SFXN3: variants seen among roughly 807,000 people sequenced by gnomAD.
SFXN3 encodes sideroflexin 3.
A neutral mutation model predicts 40.4 loss-of-function variants in SFXN3; 31 were observed. The observed-to-expected ratio is 0.77, with a 90% CI of 0.58 to 1.04. The LOEUF is 1.04. Ranked by LOEUF, SFXN3 falls within the 50% of genes least tolerant of loss-of-function variation. The pLI is 0.00. For missense variants in SFXN3, 366 were observed against 408.2 expected, an observed-to-expected ratio of 0.90 and a Z score of 0.89; for synonymous variants, 157 against 160.0, an observed-to-expected ratio of 0.98 and a Z score of 0.14.
Position 101,039,159 on chromosome 10 carries a change from C to T in SFXN3, c.822-16C>T. 1 of 1,607,436 alleles carries T rather than the reference C, an allele frequency of 6.2e-7. No individual in the cohort carries two copies. Among genetic ancestry groups the T allele is most frequent in the Non-Finnish European group, 8.5e-7 (1 of 1,174,174 alleles). On this transcript the variant is annotated splice_polypyrimidine_tract_variant and intron_variant, in intron 10 of 11. Transcript: ENST00000393459. This position sits in a 1 kb window ranked among gnomAD's most constrained non-coding sequence, Gnocchi z 4.6. ...GCCAAAGCTTTACAAACCTTTCCAA[C>T]ACTTGTCTCCCCCAGCCTGGTATTT...
At chr10:101,034,961 C>T in intron 3 of SFXN3, 106 bp downstream of exon 3, 1 of 1,392,660 alleles carries the variant, frequency 7.2e-7, no homozygotes, top group South Asian at 1.3e-5. Context: ...CCCTGTCCCT[C>T]AATCCCCTCA....
At chr10:101,035,960 G>A in intron 4 of SFXN3, 43 bp from the exon 5 acceptor site, 1 of 1,528,776 alleles carries the variant, frequency 6.5e-7, no homozygotes, top group Non-Finnish European at 9.1e-7. Flanking sequence ...AAAGATGAGG[G>A]CCACTGTAGA....
At position 101,036,374 on chromosome 10, in the gene SFXN3, A is replaced by C; in HGVS notation, c.432-112A>C. On this transcript the variant is annotated intron_variant, in intron 5 of 11. Coordinates refer to ENST00000393459, the Ensembl canonical transcript of SFXN3. The surrounding 1 kb of genome is among the most constrained non-coding windows in gnomAD (Gnocchi z 4.2). Reference sequence around the variant, plus strand: ...AGATGGAGGGAAGGCTTCTTCTGCAAGGAGCTTCCCCTTTTATGCCTCATG... The same window carrying C: ...AGATGGAGGGAAGGCTTCTTCTGCACGGAGCTTCCCCTTTTATGCCTCATG... 1 of 1,038,558 alleles carries C rather than the reference A, an allele frequency of 9.6e-7. No individual in the cohort carries two copies. Among genetic ancestry groups the C allele is most frequent in the African/African-American group, 1.6e-5 (1 of 62,822 alleles). The allele number at this position is 1,038,558 out of a possible 1,614,324, so 64.3% of individuals were successfully genotyped here.
intron 2 of SFXN3, 78 bp downstream of exon 2, chr10:101,032,560 C>A: frequency 2.1e-6 from 3 of 1,430,530 alleles, no homozygotes; most frequent in Non-Finnish European, 2.8e-6. Context: ...AACTGTCTGT[C>A]CTGGTGCAGT....
At position 101,036,854 on chromosome 10, in the gene SFXN3, CACTGTCCA is replaced by C. The variant is rs1662100407; in HGVS notation, c.593+47_593+54del. 6.3e-7 allele frequency: 1 copy of C among 1,599,934 alleles called. No individual in the cohort carries two copies. The highest frequency in any genetic ancestry group is 1.3e-5 in the African/African-American group (1 of 74,612). ...GCATGTGCATGCCCAGAATGTAGCA[CACTGTCCA>C]TCCACGCAGACCACCTCAGAATGGG... On this transcript the variant is annotated intron_variant, in intron 7 of 11. Transcript: ENST00000393459. This position sits in a 1 kb window ranked among gnomAD's most constrained non-coding sequence, Gnocchi z 4.2.
In SFXN3 at chr10:101,036,629, C is replaced by G. The variant is rs1459700709; in HGVS notation, c.507+68C>G. 14 of 1,612,538 alleles carry G rather than the reference C, an allele frequency of 8.7e-6. No individual in the cohort carries two copies. The highest frequency in any genetic ancestry group is 1.2e-5 in the Non-Finnish European group (14 of 1,179,090). ...TCTGCCTCCTTCTTCCTCATCACAC[C>G]TCCAGTTCTGACCTATATGCCCCCT... On this transcript the variant is annotated intron_variant, in intron 6 of 11. Coordinates refer to ENST00000393459, the Ensembl canonical transcript of SFXN3. This position sits in a 1 kb window ranked among gnomAD's most constrained non-coding sequence, Gnocchi z 4.2.
chr10:101,038,504 T>C (rs1394196997), intron 9 of SFXN3, 139 bp from the exon 10 acceptor site: 6 of 1,533,720 alleles, frequency 3.9e-6, no homozygotes, highest in South Asian at 1.2e-5. Flanking sequence ...AGCCCTGTCA[T>C]TGCCTTGGGA....
rs1447695840 is a variant in SFXN3 at position 101,036,239 on chromosome 10, C to A, written c.431+138C>A. 3 of 786,894 alleles carry A rather than the reference C, an allele frequency of 3.8e-6. No homozygotes were observed. The Middle Eastern group carries it at 1.1e-3, about 277-fold the overall frequency. 48.7% of individuals were successfully genotyped at this position (786,894 alleles called of 1,614,324 possible). ...AGCGCCCTCTCCTCAGCCTGCCCCACCCCGAATTACCCTGCCTAACTGAAG... is the reference window on the plus strand; with the variant it reads ...AGCGCCCTCTCCTCAGCCTGCCCCAACCCGAATTACCCTGCCTAACTGAAG... On this transcript the variant is annotated intron_variant, in intron 5 of 11. Coordinates refer to ENST00000393459, the Ensembl canonical transcript of SFXN3. This position sits in a 1 kb window ranked among gnomAD's most constrained non-coding sequence, Gnocchi z 4.2.
Position 101,036,446 on chromosome 10 carries a change from C to T in SFXN3, c.432-40C>T, listed in dbSNP as rs1305072004. On this transcript the variant is annotated intron_variant, in intron 5 of 11. Coordinates refer to ENST00000393459, the Ensembl canonical transcript of SFXN3. The surrounding 1 kb of genome is among the most constrained non-coding windows in gnomAD (Gnocchi z 4.2). ...CTAAAGGAAAGGGCCACCTGCTGGA[C>T]TTGTCACCTCTCCCCGTGACCTGGC... 1 of 1,605,316 alleles carries T rather than the reference C, an allele frequency of 6.2e-7. No homozygotes were observed. The highest frequency in any genetic ancestry group is 2.2e-5 in the East Asian group (1 of 44,818).
intron 2 of SFXN3, among the ~76,000 whole-genome samples, chr10:101,034,162 A>G (rs983448220): frequency 2.6e-5 from 4 of 152,094 alleles, no homozygotes; most frequent in Admixed American, 1.3e-4. Flanking sequence ...CCACGAGGCC[A>G]TATTTCAGAC....
intron 3 of SFXN3, 100 bp downstream of exon 3, chr10:101,034,955 G>C: frequency 2.1e-6 from 3 of 1,440,946 alleles, no homozygotes; most frequent in South Asian, 1.3e-5. Context: ...CAGTGACCCT[G>C]TCCCTCAATC....
intron 2 of SFXN3, among the ~76,000 whole-genome samples, chr10:101,032,777 T>A (rs1449722651): frequency 6.6e-6 from 1 of 152,148 alleles, no homozygotes; most frequent in African/African-American, 2.4e-5. Context: ...TGATAGTGTC[T>A]TTGTGTGTGG....
At chr10:101,032,551 A>G in intron 2 of SFXN3, 69 bp downstream of exon 2, 3 of 1,468,432 alleles carry the variant, frequency 2.0e-6, no homozygotes, top group Non-Finnish European at 2.7e-6. Context: ...CTGCCTTGAA[A>G]CTGTCTGTCC....
At chr10:101,037,413 G>T in exon 9 of SFXN3, 1 of 1,614,184 alleles carries the variant, frequency 6.2e-7, no homozygotes, top group Non-Finnish European at 8.5e-7. Context: ...ACACTCTGGA[G>T]AAGAAAGACT....
At chr10:101,037,745 C>T (rs1938692169) in intron 9 of SFXN3, 1 of 1,311,232 alleles carries the variant, frequency 7.6e-7, no homozygotes, top group Admixed American at 3.3e-5. Context: ...CCCCCTAGTG[C>T]CTCCATACTG....
chr10:101,035,948 CTAAAG>C, intron 4 of SFXN3, 50 bp from the exon 5 acceptor site: 2 of 1,501,724 alleles, frequency 1.3e-6, no homozygotes, highest in African/African-American at 2.8e-5. Flanking sequence ...TTACAGGGGT[CTAAAG>C]ATGAGGGCCA....
chr10:101,036,021 G>A lies in SFXN3; in HGVS notation c.351G>A (p.Val117=), dbSNP rs1307658025. 1.2e-6 allele frequency: 2 copies of A among 1,614,114 alleles called. No homozygotes were observed. The highest frequency in any genetic ancestry group is 1.1e-5 in the South Asian group (1 of 91,086). Residue 117 remains valine, a synonymous_variant, in exon 5 of 12, where the codon GTG becomes GTA. Transcript: ENST00000393459. The surrounding 1 kb of genome is among the most constrained non-coding windows in gnomAD (Gnocchi z 4.2). ...CCCTCAGGAAGACCCCAACCGTGGT[G>A]TTCTGGCAGTGGGTGAATCAGTCCT...
In SFXN3 at chr10:101,036,140, C is replaced by G; in HGVS notation, c.431+39C>G. 1 of 1,519,688 alleles carries G rather than the reference C, an allele frequency of 6.6e-7. No individual in the cohort carries two copies. The highest frequency in any genetic ancestry group is 1.1e-5 in the South Asian group (1 of 89,094). The allele number at this position is 1,519,688 out of a possible 1,614,324, so 94.1% of individuals were successfully genotyped here. On this transcript the variant is annotated intron_variant, in intron 5 of 11. Transcript: ENST00000393459. The surrounding 1 kb of genome is among the most constrained non-coding windows in gnomAD (Gnocchi z 4.2). ...CCCAGCAGCAGCTGCACTGTCCCAT[C>G]TGACCCTCTCCTCCCAGCCTGCAGT...
intron 4 of SFXN3, 136 bp from the exon 5 acceptor site, chr10:101,035,867 G>C (rs2134202134): frequency 7.2e-6 from 8 of 1,107,656 alleles, no homozygotes; most frequent in Non-Finnish European, 8.1e-6. Flanking sequence ...GGTACATAGG[G>C]GTTACCAGAA....
Sources: gnomAD v4.1 joint callset for allele counts (sites outside exome capture counted in the v4.1 genomes callset) on GRCh38, gnomAD v4.1.1 for gene constraint, Gnocchi (gnomAD v3.1) non-coding constraint, MANE v1.5 for transcripts, NCBI Gene and HGNC (gene_info 2026-07-23, HGNC 2026-07-21) for gene names.